Variants in ASTN2 observed in about 807,000 individuals in gnomAD.
ASTN2 encodes astrotactin 2, also known as astrotactin-2.
A neutral mutation model predicts 139.8 loss-of-function variants in ASTN2; 54 were observed. The ratio of observed to expected loss-of-function variants is 0.39; its 90% CI spans 0.31 to 0.48. The LOEUF is 0.48. ASTN2 is among the 20% of genes least tolerant of loss of function. The pLI is 0.95. For synonymous variants in ASTN2, 756 were observed against 719.5 expected (o/e 1.05, Z -0.81); for missense variants, 1,565 against 1,725.1 (o/e 0.91, Z 1.64).
chr9:117,254,177 G>T (rs1157082289), intron 2 of ASTN2, among the ~76,000 whole-genome samples: 1 of 152,138 alleles, frequency 6.6e-6, no homozygotes, highest in Non-Finnish European at 1.5e-5. Context: ...ACCATAGAAT[G>T]ATGGTATGAG....
chr9:117,213,581 A>G (rs777372259), intron 3 of ASTN2, among the ~76,000 whole-genome samples: 18 of 152,306 alleles, frequency 1.2e-4, no homozygotes, highest in Admixed American at 8.5e-4. Context: ...ATTATTTGTC[A>G]ATATAAAAAA....
chr9:117,168,633 C>A (rs1830721681), intron 3 of ASTN2, among the ~76,000 whole-genome samples: 1 of 152,070 alleles, frequency 6.6e-6, no homozygotes, highest in Admixed American at 6.6e-5. Context: ...TGTAATCAAT[C>A]CAGGGACCTC....
intron 1 of ASTN2, among the ~76,000 whole-genome samples, chr9:117,388,329 T>C (rs1277288705): frequency 1.3e-5 from 2 of 152,210 alleles, no homozygotes; most frequent in African/African-American, 4.8e-5. Flanking sequence ...TATCATCTTC[T>C]TCCCTAGATG....
At chr9:117,131,962 T>C (rs1282263413) in intron 4 of ASTN2, among the ~76,000 whole-genome samples, 2 of 152,136 alleles carry the variant, frequency 1.3e-5, no homozygotes, top group African/African-American at 4.8e-5. Context: ...ATTTTGGCTT[T>C]TTTAAAACAT....
At chr9:116,977,715 CTTTT>C (rs386416041) in intron 7 of ASTN2, among the ~76,000 whole-genome samples, 6 of 122,172 alleles carry the variant, frequency 4.9e-5, no homozygotes, top group Non-Finnish European at 8.5e-5. Flanking sequence ...ATTTCTTTTT[CTTTT>C]TTTTTTTTTT....
intron 10 of ASTN2, among the ~76,000 whole-genome samples, chr9:116,952,157 G>A (rs760070540): frequency 4.6e-5 from 7 of 152,164 alleles, no homozygotes; most frequent in Non-Finnish European, 8.8e-5. Flanking sequence ...GTGAGCACTT[G>A]ACATGATTTG....
intron 4 of ASTN2, among the ~76,000 whole-genome samples, chr9:117,116,618 G>A: frequency 6.7e-6 from 1 of 150,248 alleles, no homozygotes; most frequent in African/African-American, 2.5e-5. Context: ...TGCTAGTCTA[G>A]GAGAATGGTG....
At chr9:116,811,987 T>C (rs567068850) in intron 12 of ASTN2, among the ~76,000 whole-genome samples, 31 of 152,186 alleles carry the variant, frequency 2.0e-4, no homozygotes, top group Admixed American at 5.2e-4. Flanking sequence ...TCATTGGAAA[T>C]AAGGTATACA....
Position 116,725,865 on chromosome 9 carries a change from G to A in ASTN2, c.2712C>T (p.Tyr904=). The A allele has an allele frequency of 4.3e-6, 7 of 1,614,084 alleles. No individual in the cohort carries two copies. The highest frequency in any genetic ancestry group is 5.1e-6 in the Non-Finnish European group (6 of 1,180,024). ...CTGAGCCATAGAGGGCCTCTGCGAT[G>A]TAGTGGGAGCCATAGTGCTGGATGA... ...LSFIQHYGSH[Y]IAEALYGSEL... is the part of the protein sequence containing the mutation. The change falls in exon 16 of 23, where the codon TAC becomes TAT. Residue 904 remains tyrosine, a synonymous_variant. Transcript: ENST00000313400.
At chr9:116,436,757 C>A (rs551266393) in intron 22 of ASTN2, among the ~76,000 whole-genome samples, 1 of 151,878 alleles carries the variant, frequency 6.6e-6, no homozygotes, top group Non-Finnish European at 1.5e-5. Flanking sequence ...GACACATGCA[C>A]ACGTATGTTT....
chr9:116,950,883 T>C (rs761685060), intron 10 of ASTN2, among the ~76,000 whole-genome samples: 4 of 152,248 alleles, frequency 2.6e-5, no homozygotes, highest in Non-Finnish European at 4.4e-5. Context: ...CTTGGAATTT[T>C]ATACAACATA....
chr9:116,997,095 T>C (rs758468131), intron 7 of ASTN2, among the ~76,000 whole-genome samples: 13 of 152,158 alleles, frequency 8.5e-5, no homozygotes, highest in African/African-American at 3.1e-4. Context: ...ACAACCTTTT[T>C]TCTTTCAAGT....
At chr9:117,296,277 C>CAAAAAAAAAAAAAAAAA (rs5900277) in intron 1 of ASTN2, among the ~76,000 whole-genome samples, 3 of 71,006 alleles carry the variant, frequency 4.2e-5, no homozygotes, top group African/African-American at 1.2e-4. Flanking sequence ...GACTGCATCT[C>CAAAAAAAAAAAAAAAAA]AAAAAAAAAA....
chr9:116,467,580 G>A (rs10983177), intron 20 of ASTN2, among the ~76,000 whole-genome samples: 2 of 152,116 alleles, frequency 1.3e-5, no homozygotes, highest in African/African-American at 4.8e-5. Flanking sequence ...AGAATCTTAC[G>A]ACGTCATTTG....
intron 11 of ASTN2, among the ~76,000 whole-genome samples, chr9:116,847,027 C>CAAAAAAAAAAAAAAAAAAAAAAAA: frequency 9.1e-6 from 1 of 110,396 alleles, no homozygotes; most frequent in Non-Finnish European, 1.7e-5. Context: ...AAAAAAAAAA[C>CAAAAAAAAAAAAAAAAAAAAAAAA]AAAAAACAAA....
chr9:116,764,971 C>T (rs1278034834), intron 13 of ASTN2, among the ~76,000 whole-genome samples: 1 of 152,202 alleles, frequency 6.6e-6, no homozygotes, highest in Non-Finnish European at 1.5e-5. Flanking sequence ...TCAACCCCAC[C>T]ACTTCTGCTT....
chr9:116,601,761 G>T (rs1288986232), intron 19 of ASTN2, among the ~76,000 whole-genome samples: 1 of 152,208 alleles, frequency 6.6e-6, no homozygotes, highest in Non-Finnish European at 1.5e-5. Context: ...TTTTGAATGT[G>T]TTGAGTTTGA....
At chr9:117,299,886 A>G (rs1281258768) in intron 1 of ASTN2, among the ~76,000 whole-genome samples, 1 of 152,208 alleles carries the variant, frequency 6.6e-6, no homozygotes, top group African/African-American at 2.4e-5. Flanking sequence ...TCAGAAGCTT[A>G]TATTTTTGTG....
chr9:116,788,430 CATAA>C (rs1830437860), intron 13 of ASTN2, among the ~76,000 whole-genome samples: 1 of 152,208 alleles, frequency 6.6e-6, no homozygotes. Flanking sequence ...CATTCTATCT[CATAA>C]ATATATAGAA....
Sources: gnomAD v4.1 joint callset for allele counts (sites outside exome capture counted in the v4.1 genomes callset) on GRCh38, gnomAD v4.1.1 for gene constraint, MANE v1.5 for transcripts, NCBI Gene and HGNC (gene_info 2026-07-23, HGNC 2026-07-21) for gene names.